OXR1: variants seen among roughly 807,000 people sequenced by gnomAD.
OXR1 encodes the protein oxidation resistance 1.
Under a neutral mutation model 104.6 loss-of-function variants are expected in OXR1, and 41 were observed. That is an observed-to-expected ratio of 0.39 (90% confidence interval 0.31 to 0.51). OXR1 has a LOEUF of 0.51. OXR1 is among the 20% of genes least tolerant of loss of function. The probability of loss-of-function intolerance (pLI) is 0.77; values close to 1 mark genes in which losing one functional copy is unlikely to be tolerated. For synonymous variants in OXR1, 348 were observed against 348.4 expected, an observed-to-expected ratio of 1.00 and a Z score of 0.01; for missense variants, 955 against 1,031.9, an observed-to-expected ratio of 0.93 and a Z score of 1.02.
At chr8:106,348,966 T>A (rs942487531) in intron 1 of OXR1, among the ~76,000 whole-genome samples, 2 of 152,166 alleles carry the variant, frequency 1.3e-5, no homozygotes, top group Non-Finnish European at 2.9e-5. Flanking sequence ...TTTCCCTTAA[T>A]AAAATTACAT....
At chr8:106,341,536 G>T (rs1363782602) in intron 1 of OXR1, among the ~76,000 whole-genome samples, 1 of 152,028 alleles carries the variant, frequency 6.6e-6, no homozygotes, top group Non-Finnish European at 1.5e-5. Context: ...TATCAAATAT[G>T]TGTGAATGTG....
At chr8:106,516,255 T>C (rs1005724608) in intron 2 of OXR1, among the ~76,000 whole-genome samples, 1 of 152,186 alleles carries the variant, frequency 6.6e-6, no homozygotes, top group Non-Finnish European at 1.5e-5. Flanking sequence ...GGCTGTCCCA[T>C]ATATAGCAGT....
chr8:106,296,223 C>A (rs972788323), intron 1 of OXR1, among the ~76,000 whole-genome samples: 2 of 152,160 alleles, frequency 1.3e-5, no homozygotes, highest in African/African-American at 4.8e-5. Flanking sequence ...TGCCCTGAAG[C>A]AATCAATTGT....
intron 3 of OXR1, among the ~76,000 whole-genome samples, chr8:106,646,732 ACT>A (rs955099490): frequency 7.2e-5 from 11 of 152,164 alleles, no homozygotes; most frequent in Non-Finnish European, 1.0e-4. Context: ...GTAGACACAC[ACT>A]CTCTACTGCA....
chr8:106,719,832 G>T (rs1409297858), intron 11 of OXR1, among the ~76,000 whole-genome samples: 1 of 151,830 alleles, frequency 6.6e-6, no homozygotes, highest in Non-Finnish European at 1.5e-5. Flanking sequence ...TTGAGATGGA[G>T]TCTCCGTCTG....
At chr8:106,697,774 A>G (rs1830199603) in intron 7 of OXR1, 1 of 1,613,280 alleles carries the variant, frequency 6.2e-7, no homozygotes, top group Non-Finnish European at 8.5e-7. Flanking sequence ...GGAGGCCTGG[A>G]TCTTCTTTAC....
intron 3 of OXR1, among the ~76,000 whole-genome samples, chr8:106,607,953 C>T (rs1322372015): frequency 1.3e-5 from 2 of 152,008 alleles, no homozygotes; most frequent in African/African-American, 2.4e-5. Flanking sequence ...CTACATTAGA[C>T]CCGTCATTTG....
chr8:106,484,049 T>C (rs1822296532), intron 2 of OXR1, among the ~76,000 whole-genome samples: 1 of 151,836 alleles, frequency 6.6e-6, no homozygotes, highest in Non-Finnish European at 1.5e-5. Context: ...AATGACATGA[T>C]CCAAGGAAGA....
intron 13 of OXR1, 113 bp from the exon 14 acceptor site, chr8:106,740,226 GTTAA>G (rs1318861670): frequency 4.7e-6 from 3 of 633,994 alleles, no homozygotes; most frequent in East Asian, 5.9e-5. Flanking sequence ...AATTTCTACT[GTTAA>G]TTTATTTTTA....
At chr8:106,346,134 A>G (rs540930426) in intron 1 of OXR1, among the ~76,000 whole-genome samples, 7 of 148,434 alleles carry the variant, frequency 4.7e-5, no homozygotes, top group African/African-American at 1.7e-4. Flanking sequence ...GAAGAAAACT[A>G]TCGACAAAGG....
intron 10 of OXR1, among the ~76,000 whole-genome samples, chr8:106,713,266 A>G (rs1278080312): frequency 6.6e-6 from 1 of 151,978 alleles, no homozygotes; most frequent in Non-Finnish European, 1.5e-5. Flanking sequence ...AAATACATTT[A>G]TCAGGGAATG....
intron 3 of OXR1, chr8:106,581,060 C>T: frequency 2.6e-6 from 3 of 1,165,928 alleles, no homozygotes; most frequent in Middle Eastern, 2.5e-4. Context: ...GTAGACTTCT[C>T]ACTTCAATAG....
chr8:106,446,997 A>C (rs1372952552), intron 2 of OXR1, among the ~76,000 whole-genome samples: 1 of 152,168 alleles, frequency 6.6e-6, no homozygotes, highest in Non-Finnish European at 1.5e-5. Context: ...GTGGAAGAAA[A>C]CTTAATAAGC....
intron 1 of OXR1, among the ~76,000 whole-genome samples, chr8:106,310,898 T>A (rs1202387213): frequency 6.6e-6 from 1 of 152,158 alleles, no homozygotes; most frequent in Non-Finnish European, 1.5e-5. Context: ...GTGCCTCAGG[T>A]TGGATCATTT....
At chr8:106,642,011 A>T (rs1823691567) in intron 3 of OXR1, among the ~76,000 whole-genome samples, 1 of 151,924 alleles carries the variant, frequency 6.6e-6, no homozygotes, top group Non-Finnish European at 1.5e-5. Context: ...GGCTCAAGAG[A>T]TCCTCCCAGC....
At chr8:106,456,125 A>C (rs1820583136) in intron 2 of OXR1, among the ~76,000 whole-genome samples, 1 of 152,204 alleles carries the variant, frequency 6.6e-6, no homozygotes, top group Non-Finnish European at 1.5e-5. Context: ...TATGATATAG[A>C]ATTAAATAAA....
Position 106,713,897 on chromosome 8 carries a change from G to C in OXR1, c.1868G>C (p.Arg623Thr). ...GCAGAAGATACTGGCGAATATACCA[G>C]AGAACCTGGATTTATAGTAGTAAAA... is the stretch of plus-strand genomic sequence containing the variant. Reference protein sequence around the residue: ...IYAEDTGEYTREPGFIVVKKI... With the variant: ...IYAEDTGEYTTEPGFIVVKKI... Residue 623 changes from arginine (R) to threonine (T), a missense_variant, in exon 11 of 17, where the codon AGA (arginine) becomes ACA (threonine). By Grantham distance (71) the Arg-to-Thr change is moderately conservative. Around this residue, in one of 2 missense-constraint regions of OXR1, gnomAD observed 849 missense variants for 852.9 expected, o/e 1.00. Transcript: ENST00000517566. The C allele has an allele frequency of 6.3e-7, 1 of 1,592,180 alleles. No homozygotes were observed. The highest frequency in any genetic ancestry group is 2.3e-5 in the East Asian group (1 of 43,802).
At chr8:106,574,188 A>T (rs1212117833) in intron 3 of OXR1, among the ~76,000 whole-genome samples, 1 of 152,038 alleles carries the variant, frequency 6.6e-6, no homozygotes, top group Non-Finnish European at 1.5e-5. Context: ...TAGGATACTA[A>T]TTTGCTCCTA....
chr8:106,333,585 T>C (rs1814825926), intron 1 of OXR1, among the ~76,000 whole-genome samples: 1 of 152,108 alleles, frequency 6.6e-6, no homozygotes, highest in Admixed American at 6.5e-5. Flanking sequence ...TATACCTATG[T>C]TTTCTTCTAA....
Sources: allele counts gnomAD v4.1 joint callset (sites outside exome capture counted in the v4.1 genomes callset), GRCh38; gene constraint gnomAD v4.1.1; regional missense constraint gnomAD v4.1.1; transcripts MANE v1.5; gene names NCBI Gene and HGNC (gene_info 2026-07-23, HGNC 2026-07-21).